Variants in IKZF1 observed in about 807,000 individuals in gnomAD.
IKZF1 encodes the protein DNA-binding protein Ikaros.
Under a neutral mutation model 51.7 loss-of-function variants are expected in IKZF1, and 10 were observed. The observed-to-expected ratio is 0.19, with a 90% confidence interval of 0.12 to 0.33. The LOEUF (loss-of-function observed/expected upper bound fraction) is 0.33. Among genes scored for constraint, IKZF1 ranks in the 10% least tolerant of loss-of-function variants. The pLI is 1.00. For missense variants in IKZF1, 484 were observed against 707.5 expected (o/e 0.68, Z 3.58); for synonymous variants, 280 against 282.3 (o/e 0.99, Z 0.08).
rs765758367 is a variant in IKZF1 at position 50,327,711 on chromosome 7, C to T, written c.114C>T (p.Ser38=). The T allele has an allele frequency of 6.8e-6, 11 of 1,613,664 alleles. No individual in the cohort carries two copies. The highest frequency in any genetic ancestry group is 8.5e-6 in the Non-Finnish European group (10 of 1,179,756). The change falls in exon 3 of 8, where the codon TCC becomes TCT. Residue 38 remains serine (S), a synonymous_variant. Transcript: ENST00000331340. ...DEPMPIPEDL[S]TTSGGQQSSK... ...CCATGCCGATCCCCGAGGACCTCTC[C>T]ACCACCTCGGGAGGACAGCAAAGCT...
intron 1 of IKZF1, among the ~76,000 whole-genome samples, chr7:50,314,585 C>T (rs749694647): frequency 7.2e-5 from 11 of 152,212 alleles, no homozygotes; most frequent in Admixed American, 3.9e-4. Flanking sequence ...TCTTGACAGG[C>T]ATCTATCTGC....
In IKZF1 at chr7:50,400,598, C is replaced by T. The variant is rs770050009; in HGVS notation, c.1531C>T (p.Arg511Ter). ...GTACGAGTTCTCGTCGCACATAACG[C>T]GAGGGGAGCACCGCTTCCACATGAG... is the stretch of plus-strand genomic sequence containing the variant. ...DRYEFSSHITRGEHRFHMS is the reference protein window; with the variant it reads ...DRYEFSSHIT Residue 511 changes from arginine (R) to a stop codon, truncating the protein, a stop_gained, in exon 8 of 8, where the codon CGA becomes TGA. Coordinates refer to ENST00000331340, the MANE Select transcript of IKZF1 (RefSeq NM_006060.6). LOFTEE classifies it high-confidence loss of function. This position sits in a 1 kb window ranked among gnomAD's most constrained non-coding sequence, Gnocchi z 5.4. The T allele has an allele frequency of 6.2e-7, 1 of 1,611,936 alleles. No homozygotes were observed.
chr7:50,385,024 A>G (rs1463892535), intron 5 of IKZF1, among the ~76,000 whole-genome samples: 3 of 152,196 alleles, frequency 2.0e-5, no homozygotes, highest in Non-Finnish European at 2.9e-5. Flanking sequence ...CTCCAGGCCT[A>G]TGTATTTCAT....
chr7:50,372,359 T>TC (rs1450210535), intron 3 of IKZF1, among the ~76,000 whole-genome samples: 1 of 152,214 alleles, frequency 6.6e-6, no homozygotes, highest in South Asian at 2.1e-4. Flanking sequence ...TCCCACCAAA[T>TC]CCTGCCAGCA....
At chr7:50,321,370 G>T (rs1270664162) in intron 2 of IKZF1, among the ~76,000 whole-genome samples, 1 of 152,224 alleles carries the variant, frequency 6.6e-6, no homozygotes, top group African/African-American at 2.4e-5. Context: ...TCTCACTGCA[G>T]CCTCAGAGAG....
chr7:50,334,577 G>C (rs1408211633), intron 3 of IKZF1, among the ~76,000 whole-genome samples: 3 of 150,672 alleles, frequency 2.0e-5, no homozygotes, highest in African/African-American at 7.3e-5. Context: ...GTGTGTATGT[G>C]TGTGGTGTGT....
chr7:50,314,320 C>T (rs551891500), intron 1 of IKZF1, among the ~76,000 whole-genome samples: 11 of 152,238 alleles, frequency 7.2e-5, no homozygotes, highest in African/African-American at 1.9e-4. Flanking sequence ...CCGTGTTAGC[C>T]AGGATGGTCT....
intron 1 of IKZF1, among the ~76,000 whole-genome samples, chr7:50,306,584 AT>A (rs1788850122): frequency 6.6e-6 from 1 of 152,210 alleles, no homozygotes; most frequent in Non-Finnish European, 1.5e-5. Flanking sequence ...AAAAGTCTGG[AT>A]GTGTTAGGTT....
In IKZF1 at chr7:50,404,901, T is replaced by C; in HGVS notation, c.*4274T>C. ...TCCTGGAAACAGCTGCCTGCCTGCA[T>C]TGCACTTCTCTTCCCGAGGAGTGGG... is the stretch of plus-strand genomic sequence containing the variant. On this transcript the variant is annotated 3_prime_UTR_variant, in exon 8 of 8. Transcript: ENST00000331340. 4.6e-6 allele frequency: 1 copy of C among 217,802 alleles called. No homozygotes were observed. The highest frequency in any genetic ancestry group is 6.7e-5 in the East Asian group (1 of 14,816). 13.5% of individuals were successfully genotyped at this position (217,802 alleles called of 1,614,324 possible). A position where few individuals can be genotyped will look rare whatever the true frequency, so the allele number is the denominator to read the frequency against.
rs2153423377 is a variant in IKZF1 at position 50,345,897 on chromosome 7, G to A, written c.160+18140G>A. On this transcript the variant is annotated intron_variant, in intron 3 of 7. Transcript: ENST00000331340. ...TACTAAAAATGCAAAAAAATTTAGGGCCGGGTGCAGTGGCAGTTCTGCCTG... is the reference window on the plus strand; with the variant it reads ...TACTAAAAATGCAAAAAAATTTAGGACCGGGTGCAGTGGCAGTTCTGCCTG... Among the ~76,000 whole-genome samples, 2 of 152,260 alleles carry A rather than the reference G, an allele frequency of 1.3e-5. 1 individual carries two copies. The highest frequency in any genetic ancestry group is 4.1e-4 in the South Asian group (2 of 4,826).
intron 3 of IKZF1, among the ~76,000 whole-genome samples, chr7:50,340,949 A>G (rs1798926401): frequency 1.3e-5 from 2 of 152,176 alleles, no homozygotes; most frequent in African/African-American, 4.8e-5. Context: ...CTACTTATAT[A>G]TGGTCTCAAC....
At position 50,399,968 on chromosome 7, in the gene IKZF1, AAGG is replaced by A. The variant is rs1817707358; in HGVS notation, c.904_906del (p.Glu302del). 6.2e-7 allele frequency: 1 copy of A among 1,613,480 alleles called. No homozygotes were observed. Among genetic ancestry groups the A allele is most frequent in the Non-Finnish European group, 8.5e-7 (1 of 1,179,764 alleles). The stretch of plus-strand genomic sequence containing the variant: ...CTACGACAGCAGCGCCAGCTACGAG[AAGG>A]AGAACGAAATGATGAAGTCCCACGT... On this transcript the variant is annotated inframe_deletion, in exon 8 of 8. Coordinates refer to ENST00000331340, the MANE Select transcript of IKZF1 (RefSeq NM_006060.6).
intron 3 of IKZF1, chr7:50,369,215 ATTGAT>A (rs1425489117): frequency 7.7e-5 from 23 of 300,384 alleles, no homozygotes; most frequent in Non-Finnish European, 1.0e-4. Flanking sequence ...GAGAAATGAT[ATTGAT>A]TTGAAGAATC....
rs116226362 is a variant in IKZF1 at position 50,357,262 on chromosome 7, T to C, written c.161-19271T>C. ...CAGTTCCTGTTGCCTGGGGACTTCATCTCAGCTTCCAAGGCCTCTGGAACC... is the reference window on the plus strand; with the variant it reads ...CAGTTCCTGTTGCCTGGGGACTTCACCTCAGCTTCCAAGGCCTCTGGAACC... On this transcript the variant is annotated intron_variant, in intron 3 of 7. Transcript: ENST00000331340. Among the ~76,000 whole-genome samples, 147 of 152,030 alleles carry C rather than the reference T, an allele frequency of 9.7e-4. 1 individual carries two copies. The highest frequency in any genetic ancestry group is 3.5e-3 in the African/African-American group (145 of 41,434).
intron 7 of IKZF1, among the ~76,000 whole-genome samples, chr7:50,396,191 C>T (rs1816661007): frequency 6.6e-6 from 1 of 151,952 alleles, no homozygotes; most frequent in South Asian, 2.1e-4. Flanking sequence ...ACCAGTTGTC[C>T]ATATGTTAGA....
Position 50,400,223 on chromosome 7 carries a change from C to G in IKZF1, c.1156C>G (p.Arg386Gly). 1 of 1,596,806 alleles carries G rather than the reference C, an allele frequency of 6.3e-7. No homozygotes were observed. Among genetic ancestry groups the G allele is most frequent in the Non-Finnish European group, 8.5e-7 (1 of 1,172,656 alleles). The change falls in exon 8 of 8, where the codon CGC becomes GGC. Residue 386 changes from arginine to glycine, a missense_variant. Arg to Gly is a moderately radical substitution (Grantham distance 125, BLOSUM62 -2). Transcript: ENST00000331340. This position sits in a 1 kb window ranked among gnomAD's most constrained non-coding sequence, Gnocchi z 5.4. ...CAAGGCCAAGTTGGTGCCCTCGGAGCGCGAGGCGTCCCCGAGCAACAGCTG... is the reference window on the plus strand; with the variant it reads ...CAAGGCCAAGTTGGTGCCCTCGGAGGGCGAGGCGTCCCCGAGCAACAGCTG... ...LSKAKLVPSEREASPSNSCQD... is the reference protein window; with the variant it reads ...LSKAKLVPSEGEASPSNSCQD...
At chr7:50,331,269 G>T (rs1796386266) in intron 3 of IKZF1, among the ~76,000 whole-genome samples, 2 of 151,948 alleles carry the variant, frequency 1.3e-5, no homozygotes, top group Admixed American at 6.6e-5. Flanking sequence ...TAAAAAAAAT[G>T]GTCCAAAGAA....
intron 7 of IKZF1, among the ~76,000 whole-genome samples, chr7:50,399,391 AATT>A (rs1432810623): frequency 6.6e-6 from 1 of 151,556 alleles, no homozygotes; most frequent in African/African-American, 2.4e-5. Flanking sequence ...AGATTATTAA[AATT>A]ATTAAATACA....
intron 2 of IKZF1, among the ~76,000 whole-genome samples, chr7:50,319,565 C>G (rs1792569280): frequency 1.3e-5 from 2 of 152,136 alleles, no homozygotes; most frequent in South Asian, 4.1e-4. Flanking sequence ...TCTTCTCATC[C>G]AGGAGACCCA....
Sources: allele counts gnomAD v4.1 joint callset (sites outside exome capture counted in the v4.1 genomes callset), GRCh38; gene constraint gnomAD v4.1.1; non-coding constraint Gnocchi (gnomAD v3.1); transcripts MANE v1.5; gene names NCBI Gene and HGNC (gene_info 2026-07-23, HGNC 2026-07-21).